The following GABRB2 variants were observed in gnomAD, a reference collection of about 807,000 sequenced individuals.
GABRB2 encodes the protein gamma-aminobutyric acid receptor subunit beta-2.
A neutral mutation model predicts 54.7 loss-of-function variants in GABRB2; 16 were observed. The observed-to-expected ratio is 0.29, with a 90% CI of 0.20 to 0.44. The LOEUF is 0.44. Ranked by LOEUF, GABRB2 falls within the 20% of genes least tolerant of loss-of-function variation. The pLI, the probability that GABRB2 is intolerant of heterozygous loss-of-function variation, is 1.00. For synonymous variants in GABRB2, 244 were observed against 233.8 expected (o/e 1.04, Z -0.40); for missense variants, 355 against 644.0 (o/e 0.55, Z 4.86).
chr5:161,543,272 T>C (rs1760875310), intron 3 of GABRB2, among the ~76,000 whole-genome samples: 1 of 152,354 alleles, frequency 6.6e-6, no homozygotes, highest in African/African-American at 2.4e-5. Flanking sequence ...GTCTTGGCAT[T>C]GTTTCCACCT....
chr5:161,330,733 C>T, intron 8 of GABRB2, 150 bp downstream of exon 8: 1 of 1,097,848 alleles, frequency 9.1e-7, no homozygotes, highest in Non-Finnish European at 1.3e-6. Flanking sequence ...ATTGTGCTTC[C>T]ATCATTAATT....
chr5:161,532,314 T>C (rs1356721214), intron 3 of GABRB2, among the ~76,000 whole-genome samples: 1 of 152,112 alleles, frequency 6.6e-6, no homozygotes, highest in East Asian at 1.9e-4. Context: ...ACTTCAATTA[T>C]TGTCACAAAA....
chr5:161,465,831 C>T (rs973233777), intron 3 of GABRB2, among the ~76,000 whole-genome samples: 4 of 152,096 alleles, frequency 2.6e-5, no homozygotes, highest in Non-Finnish European at 5.9e-5. Context: ...TACAGAGTTT[C>T]TGCATAGTTT....
At chr5:161,474,121 G>T (rs1348912374) in intron 3 of GABRB2, among the ~76,000 whole-genome samples, 1 of 151,960 alleles carries the variant, frequency 6.6e-6, no homozygotes, top group Non-Finnish European at 1.5e-5. Context: ...GATGGATTGG[G>T]AAGAGACCAG....
At chr5:161,431,650 C>T (rs1490273012) in intron 4 of GABRB2, among the ~76,000 whole-genome samples, 1 of 152,170 alleles carries the variant, frequency 6.6e-6, no homozygotes, top group Non-Finnish European at 1.5e-5. Context: ...AAAGCAGTTT[C>T]TACATTTCTC....
At chr5:161,403,136 C>A (rs1311323694) in intron 5 of GABRB2, among the ~76,000 whole-genome samples, 1 of 152,128 alleles carries the variant, frequency 6.6e-6, no homozygotes, top group African/African-American at 2.4e-5. Flanking sequence ...CGTAAGAAAG[C>A]CCCTTAACAA....
intron 3 of GABRB2, among the ~76,000 whole-genome samples, chr5:161,465,762 C>T (rs577041956): frequency 1.2e-4 from 19 of 152,174 alleles, no homozygotes; most frequent in African/African-American, 4.3e-4. Context: ...CATACATATA[C>T]ATCATATGTT....
chr5:161,468,201 T>A (rs1458791117), intron 3 of GABRB2, among the ~76,000 whole-genome samples: 1 of 152,090 alleles, frequency 6.6e-6, no homozygotes, highest in African/African-American at 2.4e-5. Flanking sequence ...TGTCTTTTCC[T>A]TGCTTAAGAT....
At chr5:161,544,391 A>G (rs944743896) in intron 3 of GABRB2, among the ~76,000 whole-genome samples, 1 of 152,104 alleles carries the variant, frequency 6.6e-6, no homozygotes, top group Non-Finnish European at 1.5e-5. Context: ...GCCCCCAAGT[A>G]TGTGGGGGCG....
intron 9 of GABRB2, among the ~76,000 whole-genome samples, chr5:161,310,697 AC>A (rs1413654009): frequency 6.6e-6 from 1 of 151,822 alleles, no homozygotes; most frequent in African/African-American, 2.4e-5. Flanking sequence ...ACACACACAC[AC>A]AGATTTTTTA....
chr5:161,399,337 G>T (rs1416677726), intron 5 of GABRB2, among the ~76,000 whole-genome samples: 2 of 151,936 alleles, frequency 1.3e-5, no homozygotes, highest in Non-Finnish European at 2.9e-5. Flanking sequence ...CACTTTCCAG[G>T]CTCACGTTTT....
At chr5:161,314,846 T>C (rs153297) in intron 9 of GABRB2, among the ~76,000 whole-genome samples, 14,825 of 152,224 alleles carry the variant, frequency 0.097, 978 homozygotes, top group Non-Finnish European at 0.14. Context: ...GCTATCGATA[T>C]ATTGACTGAT....
At chr5:161,442,535 C>A (rs532682893) in intron 4 of GABRB2, among the ~76,000 whole-genome samples, 10 of 152,304 alleles carry the variant, frequency 6.6e-5, no homozygotes, top group Admixed American at 4.6e-4. Flanking sequence ...GGGATCTCCT[C>A]TTGTCAGCAC....
At chr5:161,341,297 T>TA (rs150894828) in intron 5 of GABRB2, among the ~76,000 whole-genome samples, 5 of 149,402 alleles carry the variant, frequency 3.3e-5, no homozygotes, top group Admixed American at 6.7e-5. Flanking sequence ...TAATGATGAG[T>TA]AAAAAAAAAA....
chr5:161,300,025 C>A (rs1186664623), intron 9 of GABRB2, among the ~76,000 whole-genome samples: 1 of 152,152 alleles, frequency 6.6e-6, no homozygotes. Context: ...GACTGCTAAA[C>A]TGGCATCATT....
At chr5:161,515,546 T>G (rs980403665) in intron 3 of GABRB2, among the ~76,000 whole-genome samples, 6 of 152,144 alleles carry the variant, frequency 3.9e-5, no homozygotes, top group Admixed American at 3.3e-4. Context: ...GCTTCACATA[T>G]CCTATTAATT....
intron 4 of GABRB2, among the ~76,000 whole-genome samples, chr5:161,442,259 TAAATA>T (rs1413348774): frequency 6.6e-6 from 1 of 151,920 alleles, no homozygotes; most frequent in African/African-American, 2.4e-5. Flanking sequence ...CTTTTTTAAA[TAAATA>T]AAATAAAAAT....
chr5:161,534,772 G>C (rs938383805), intron 3 of GABRB2, among the ~76,000 whole-genome samples: 1 of 152,002 alleles, frequency 6.6e-6, no homozygotes, highest in African/African-American at 2.4e-5. Flanking sequence ...GGAATAGAGC[G>C]AGGAAAAACT....
chr5:161,526,005 T>G (rs1206067009), intron 3 of GABRB2, among the ~76,000 whole-genome samples: 1 of 151,296 alleles, frequency 6.6e-6, no homozygotes, highest in African/African-American at 2.4e-5. Context: ...CTCCTACAAT[T>G]TCTGAGCTTT....
Sources: gnomAD v4.1 joint callset for allele counts (sites outside exome capture counted in the v4.1 genomes callset) on GRCh38, gnomAD v4.1.1 for gene constraint, MANE v1.5 for transcripts, NCBI Gene and HGNC (gene_info 2026-07-23, HGNC 2026-07-21) for gene names.